TDRD6: variants seen among roughly 807,000 people sequenced by gnomAD.
TDRD6 encodes tudor domain-containing protein 6.
In TDRD6, 186 loss-of-function variants were observed where a neutral mutation model predicts 157.5. That is an observed-to-expected ratio of 1.18 (90% CI 1.05 to 1.33). The LOEUF is 1.33. Among genes scored for constraint, TDRD6 ranks in the 40% most tolerant of loss-of-function variants. The pLI is 0.00. For missense variants in TDRD6, 3,066 were observed against 2,508.0 expected, an observed-to-expected ratio of 1.22 and a Z score of -4.75; for synonymous variants, 1,075 against 945.2, an observed-to-expected ratio of 1.14 and a Z score of -2.52.
In TDRD6 at chr6:46,689,472, G is replaced by C; in HGVS notation, c.1344G>C (p.Gln448His). The change falls in exon 1 of 4, where the codon CAG becomes CAC. Residue 448 changes from glutamine to histidine, a missense_variant. Coordinates refer to ENST00000316081, the MANE Select transcript of TDRD6 (RefSeq NM_001010870.3). ...GTTGCTTGGCTGACCGAGTCCTTCAGAGCCAGGCAACAGAGGAGGAGGAAC... is the reference window on the plus strand; with the variant it reads ...GTTGCTTGGCTGACCGAGTCCTTCACAGCCAGGCAACAGAGGAGGAGGAAC... ...QSCCLADRVLQSQATEEEEPE... is the reference protein window; with the variant it reads ...QSCCLADRVLHSQATEEEEPE... 1 of 1,613,566 alleles carries C rather than the reference G, an allele frequency of 6.2e-7. No individual in the cohort carries two copies.
chr6:46,695,901 T>G lies in TDRD6; in HGVS notation c.6127T>G (p.Trp2043Gly). ...CVVWSSLRNT[W>G]SKCEILETAE... ...TGTGTGGTCAAGTCTAAGAAACACA[T>G]GGTCTAAATGTGAGATTTTAGAAAC... Residue 2043 changes from tryptophan to glycine, a missense_variant, in exon 2 of 4, where the codon TGG becomes GGG. Trp to Gly is a radical substitution (Grantham distance 184). Coordinates refer to ENST00000316081, the MANE Select transcript of TDRD6 (RefSeq NM_001010870.3). 4.3e-6 allele frequency: 7 copies of G among 1,613,618 alleles called. No individual in the cohort carries two copies. Among genetic ancestry groups the G allele is most frequent in the Non-Finnish European group, 5.9e-6 (7 of 1,179,722 alleles).
Position 46,688,187 on chromosome 6 carries a change from T to A in TDRD6, c.59T>A (p.Phe20Tyr), listed in dbSNP as rs1314294351. Reference protein sequence around the residue: ...PGASLALRVSFVDVHPDVIPV... With the variant: ...PGASLALRVSYVDVHPDVIPV... ...GCCTCGCTGGCCCTGCGGGTGTCCT[T>A]CGTGGACGTGCATCCCGATGTGATC... The change falls in exon 1 of 4, where the codon TTC (phenylalanine) becomes TAC (tyrosine). Residue 20 changes from phenylalanine (F) to tyrosine (Y), a missense_variant. Transcript: ENST00000316081. The A allele has an allele frequency of 6.4e-7, 1 of 1,550,832 alleles. No homozygotes were observed. The highest frequency in any genetic ancestry group is 1.9e-5 in the Admixed American group (1 of 53,262).
chr6:46,694,250 T>C, intron 1 of TDRD6, 76 bp downstream of exon 1: 3 of 1,085,226 alleles, frequency 2.8e-6, no homozygotes, highest in South Asian at 3.4e-5. Context: ...TCACCTAGGC[T>C]GGAGTGCAGT....
Position 46,693,095 on chromosome 6 carries a change from A to T in TDRD6, c.4967A>T (p.Glu1656Val). The T allele has an allele frequency of 6.2e-7, 1 of 1,613,936 alleles. No individual in the cohort carries two copies. Among genetic ancestry groups the T allele is most frequent in the Non-Finnish European group, 8.5e-7 (1 of 1,179,952 alleles). ...CAAGAGGGAAATGACTATTTCTATG[A>T]AATAATAACAGAAGATGTGTTGGAA... The part of the protein sequence containing the change: ...CSQEGNDYFY[E>V]IITEDVLEIT... Residue 1656 changes from glutamate to valine, a missense_variant, in exon 1 of 4, where the codon GAA becomes GTA. By Grantham distance (121) the Glu-to-Val change is moderately radical (BLOSUM62 -2). Coordinates refer to ENST00000316081, the MANE Select transcript of TDRD6 (RefSeq NM_001010870.3).
At chr6:46,698,174 G>T in intron 3 of TDRD6, 87 bp downstream of exon 3, 1 of 956,558 alleles carries the variant, frequency 1.0e-6, no homozygotes. Context: ...AAGTCCTTGT[G>T]TTTGGAAAAA....
chr6:46,699,933 C>G (rs928487473), intron 3 of TDRD6, among the ~76,000 whole-genome samples: 1 of 152,104 alleles, frequency 6.6e-6, no homozygotes, highest in Non-Finnish European at 1.5e-5. Context: ...ATGTATTAAA[C>G]CATTTCCCAT....
chr6:46,689,151 C>G lies in TDRD6; in HGVS notation c.1023C>G (p.Ala341=). 3.7e-6 allele frequency: 6 copies of G among 1,614,172 alleles called. No individual in the cohort carries two copies. The highest frequency in any genetic ancestry group is 5.1e-6 in the Non-Finnish European group (6 of 1,180,044). ...AGACTTTTCGGCCCCAGCGCTGTGC[C>G]CAGGTGCTTCATGTGGACTATGGAA... ...LLETFRPQRC[A]QVLHVDYGRK... is the part of the protein sequence containing the mutation. Residue 341 remains alanine, a synonymous_variant, in exon 1 of 4, where the codon GCC becomes GCG. Transcript: ENST00000316081.
chr6:46,697,650 GC>G (rs1764529910), intron 2 of TDRD6, among the ~76,000 whole-genome samples: 1 of 151,616 alleles, frequency 6.6e-6, no homozygotes, highest in Non-Finnish European at 1.5e-5. Context: ...ACTTTGGGAG[GC>G]CAAGGCAGGT....
the TDRD6 span, among the ~76,000 whole-genome samples, chr6:46,680,678 C>G: frequency 6.6e-6 from 1 of 152,068 alleles, no homozygotes; most frequent in Non-Finnish European, 1.5e-5. Flanking sequence ...TATCCAAGAC[C>G]CTCTCAACCT....
rs1216649146 is a variant in TDRD6, at chr6:46,690,134, A to G, written c.2006A>G (p.Gln669Arg). 1.2e-6 allele frequency: 2 copies of G among 1,613,502 alleles called. No individual in the cohort carries two copies. Among genetic ancestry groups the G allele is most frequent in the Non-Finnish European group, 1.7e-6 (2 of 1,179,796 alleles). Residue 669 changes from glutamine to arginine, a missense_variant, in exon 1 of 4, where the codon CAG becomes CGG. Transcript: ENST00000316081. Reference sequence around the variant, plus strand: ...GCCCAAGCTGGATATGCCAAGTATCAGGAATTTGAAACAAAGGAAAATATC... The same window carrying G: ...GCCCAAGCTGGATATGCCAAGTATCGGGAATTTGAAACAAAGGAAAATATC... ...VIAQAGYAKY[Q>R]EFETKENILV...
rs944035740 is a variant in TDRD6, at chr6:46,703,002, C to T, written c.*1115C>T. On this transcript the variant is annotated 3_prime_UTR_variant, in exon 4 of 4. Transcript: ENST00000316081. ...TACCCTGAAAAATACTCAGTGTGCA[C>T]TATGTTAGGTTATTTCTTTTTAACC... 2.6e-5 allele frequency: 4 copies of T among 151,914 alleles called. No homozygotes were observed. The highest frequency in any genetic ancestry group is 9.7e-5 in the African/African-American group (4 of 41,374). 9.4% of individuals were successfully genotyped at this position (151,914 alleles called of 1,614,324 possible).
In TDRD6 at chr6:46,688,266, G is replaced by A. The variant is rs1273535396; in HGVS notation, c.138G>A (p.Leu46=). 10 of 1,506,846 alleles carry A rather than the reference G, an allele frequency of 6.6e-6. No individual in the cohort carries two copies. Among genetic ancestry groups the A allele is most frequent in the Non-Finnish European group, 8.8e-6 (10 of 1,135,678 alleles). The allele number at this position is 1,506,846 out of a possible 1,614,324, so 93.3% of individuals were successfully genotyped here. Residue 46 remains leucine (L), a synonymous_variant, in exon 1 of 4, where the codon CTG becomes CTA. Transcript: ENST00000316081. The part of the protein sequence containing the change: ...VGERRGEYLR[L]SREIQEAAAT... ...AGCGGCGGGGCGAGTACCTGCGGCTGAGCCGGGAAATCCAGGAAGCGGCGG... is the reference window on the plus strand; with the variant it reads ...AGCGGCGGGGCGAGTACCTGCGGCTAAGCCGGGAAATCCAGGAAGCGGCGG...
At position 46,693,804 on chromosome 6, in the gene TDRD6, A is replaced by G. The variant is rs1212086870; in HGVS notation, c.5676A>G (p.Thr1892=). 1 of 1,614,194 alleles carries G rather than the reference A, an allele frequency of 6.2e-7. No homozygotes were observed. The part of the protein sequence containing the change: ...CVTKGAMELF[T]LQLPLSCEAE... ...CAAAAGGCGCCATGGAGCTATTTAC[A>G]CTGCAGCTTCCTCTCAGCTGTGAAG... is the stretch of plus-strand genomic sequence containing the variant. Residue 1892 remains threonine, a synonymous_variant, in exon 1 of 4, where the codon ACA becomes ACG. Coordinates refer to ENST00000316081, the MANE Select transcript of TDRD6 (RefSeq NM_001010870.3).
At position 46,690,764 on chromosome 6, in the gene TDRD6, C is replaced by T. The variant is rs200563264; in HGVS notation, c.2636C>T (p.Ala879Val). The change falls in exon 1 of 4, where the codon GCT (alanine) becomes GTT (valine). Residue 879 changes from alanine to valine, a missense_variant. Ala to Val is a moderately conservative substitution (Grantham distance 64, BLOSUM62 0). Transcript: ENST00000316081. Reference protein sequence around the residue: ...SEEFLKVKAQAFRCSLYNLIQ... With the variant: ...SEEFLKVKAQVFRCSLYNLIQ... ...GAATTTCTGAAGGTTAAGGCACAGG[C>T]TTTTAGGTGCAGTCTTTATAATTTA... 6.2e-7 allele frequency: 1 copy of T among 1,614,100 alleles called. No homozygotes were observed. The highest frequency in any genetic ancestry group is 8.5e-7 in the Non-Finnish European group (1 of 1,180,018).
rs1161591891 is a variant in TDRD6 at position 46,689,909 on chromosome 6, C to T, written c.1781C>T (p.Pro594Leu). ...RMLLPQFRQLPILAVKCTLAD... is the reference protein window; with the variant it reads ...RMLLPQFRQLLILAVKCTLAD... ...CTGCTTCCTCAGTTTAGGCAGCTAC[C>T]AATATTGGCTGTGAAGTGCACCCTG... Residue 594 changes from proline to leucine, a missense_variant, in exon 1 of 4, where the codon CCA becomes CTA. By Grantham distance (98) the Pro-to-Leu change is moderately conservative (BLOSUM62 -3). Transcript: ENST00000316081. 1 of 1,613,980 alleles carries T rather than the reference C, an allele frequency of 6.2e-7. No homozygotes were observed. Among genetic ancestry groups the T allele is most frequent in the Non-Finnish European group, 8.5e-7 (1 of 1,180,030 alleles).
At position 46,698,025 on chromosome 6, in the gene TDRD6, G is replaced by C; in HGVS notation, c.6199G>C (p.Glu2067Gln). 1 of 1,611,108 alleles carries C rather than the reference G, an allele frequency of 6.2e-7. No homozygotes were observed. The highest frequency in any genetic ancestry group is 8.5e-7 in the Non-Finnish European group (1 of 1,178,072). The change falls in exon 3 of 4, where the codon GAG (glutamate) becomes CAG (glutamine). Residue 2067 changes from glutamate (E) to glutamine (Q), a missense_variant. By Grantham distance (29) the Glu-to-Gln change is conservative. Coordinates refer to ENST00000316081, the MANE Select transcript of TDRD6 (RefSeq NM_001010870.3). ...TTTGAACCTTTCAAATGGTATGGAG[G>C]AGATAGTGAACCCTGAGAATGTCTG... ...RVLNLSNGME[E>Q]IVNPENVWNG...
Position 46,692,311 on chromosome 6 carries a change from G to A in TDRD6, c.4183G>A (p.Val1395Met), listed in dbSNP as rs761568905. Residue 1395 changes from valine to methionine, a missense_variant, in exon 1 of 4, where the codon GTG becomes ATG. Physicochemically the swap from Val to Met is conservative, Grantham distance 21 (BLOSUM62 1). Transcript: ENST00000316081. The stretch of plus-strand genomic sequence containing the variant: ...GTTTATAGATTATGGCAATGTTTCT[G>A]TGGTTCATACTAACAAAATAGGTAG... Reference protein sequence around the residue: ...VQFIDYGNVSVVHTNKIGRLD... With the variant: ...VQFIDYGNVSMVHTNKIGRLD... The A allele has an allele frequency of 1.2e-6, 2 of 1,614,116 alleles. No individual in the cohort carries two copies. The highest frequency in any genetic ancestry group is 1.1e-5 in the South Asian group (1 of 91,084).
rs772720576 is a variant in TDRD6 at position 46,688,341 on chromosome 6, G to T, written c.213G>T (p.Glu71Asp). Residue 71 changes from glutamate to aspartate, a missense_variant, in exon 1 of 4, where the codon GAG becomes GAT. Physicochemically the swap from Glu to Asp is conservative, Grantham distance 45 (BLOSUM62 2). Transcript: ENST00000316081. ...GCAGCGCCTCGGCCTCGCCCGGCGA[G>T]CTGTGCCTGGTGCAGGTCGGGCTTT... The part of the protein sequence containing the change: ...ALGSASASPG[E>D]LCLVQVGLLW... 2.6e-6 allele frequency: 4 copies of T among 1,529,248 alleles called. No homozygotes were observed. In the Admixed American group the frequency reaches 7.9e-5, roughly 30 times the overall value. The allele number at this position is 1,529,248 out of a possible 1,614,324, so 94.7% of individuals were successfully genotyped here.
Position 46,692,717 on chromosome 6 carries a change from G to T in TDRD6, c.4589G>T (p.Gly1530Val). ...AGAGCTTATGCCACTGTGATAGATG[G>T]ACCTGAGTACTTTTGGTGTCAGTTT... ...MIRAYATVID[G>V]PEYFWCQFAD... is the part of the protein sequence containing the mutation. Residue 1530 changes from glycine (G) to valine (V), a missense_variant, in exon 1 of 4, where the codon GGA becomes GTA. Transcript: ENST00000316081. 6.2e-7 allele frequency: 1 copy of T among 1,614,156 alleles called. No homozygotes were observed. The highest frequency in any genetic ancestry group is 8.5e-7 in the Non-Finnish European group (1 of 1,180,036).
Sources: gnomAD v4.1 joint callset for allele counts (sites outside exome capture counted in the v4.1 genomes callset) on GRCh38, gnomAD v4.1.1 for gene constraint, MANE v1.5 for transcripts, NCBI Gene and HGNC (gene_info 2026-07-23, HGNC 2026-07-21) for gene names.